The following PCDHGB3 variants were observed in gnomAD, a reference collection of about 807,000 sequenced individuals.
PCDHGB3 encodes protocadherin gamma subfamily B, 3, also known as protocadherin gamma-B3.
PCDHGB3 carries 40 observed loss-of-function variants against 59.2 expected under a neutral mutation model. That is an observed-to-expected ratio of 0.68 (90% CI 0.52 to 0.88). The LOEUF is 0.88. PCDHGB3 is among the 40% of genes least tolerant of loss of function. PCDHGB3 has a pLI of 0.00. For missense variants in PCDHGB3, 1,309 were observed against 1,187.9 expected, an observed-to-expected ratio of 1.10 and a Z score of -1.50; for synonymous variants, 581 against 503.6, an observed-to-expected ratio of 1.15 and a Z score of -2.06.
chr5:141,395,422 G>T, intron 1 of PCDHGB3: 1 of 728,826 alleles, frequency 1.4e-6, no homozygotes, highest in Non-Finnish European at 2.1e-6. Flanking sequence ...TGTTTCATTT[G>T]CTTTTAAACG....
intron 1 of PCDHGB3, 34 bp downstream of exon 1, chr5:141,372,843 T>C (rs1344316065): frequency 6.6e-7 from 1 of 1,510,382 alleles, no homozygotes; most frequent in East Asian, 2.3e-5. Flanking sequence ...TCCATAAATA[T>C]AATTGGGTTT....
At chr5:141,458,345 G>A (rs1161535708) in intron 1 of PCDHGB3, among the ~76,000 whole-genome samples, 2 of 152,112 alleles carry the variant, frequency 1.3e-5, no homozygotes, top group Non-Finnish European at 2.9e-5. Context: ...GGAGTGGAGA[G>A]TTTAATAAGC....
At chr5:141,394,100 ACCACCTCTGT>A in intron 1 of PCDHGB3, 1 of 1,613,942 alleles carries the variant, frequency 6.2e-7, no homozygotes, top group Admixed American at 1.7e-5. Context: ...ATCTAGGAAC[ACCACCTCTGT>A]CCACTGAAAC....
In PCDHGB3 at chr5:141,371,361, GAT is replaced by G; in HGVS notation, c.968_969del (p.Asp323GlyfsTer9). On this transcript the variant is annotated frameshift_variant, in exon 1 of 4. Transcript: ENST00000576222. LOFTEE classifies it high-confidence loss of function. Reference sequence around the variant, plus strand: ...CTACACAATTGGGGTGGAAGCAAAGGATGGTGGACATCACACTGCATATTGTA... The same window carrying G: ...CTACACAATTGGGGTGGAAGCAAAGGGGTGGACATCACACTGCATATTGTA... ...DSYTIGVEAKDGGHHTAYCKV... is the reference protein window; with the variant it reads ...DSYTIGVEAKXGGHHTAYCKV... The G allele has an allele frequency of 3.1e-6, 5 of 1,613,976 alleles. No individual in the cohort carries two copies. The highest frequency in any genetic ancestry group is 4.2e-6 in the Non-Finnish European group (5 of 1,179,888).
intron 1 of PCDHGB3, chr5:141,385,543 C>G (rs1284826303): frequency 7.6e-7 from 1 of 1,322,422 alleles, no homozygotes; most frequent in Non-Finnish European, 9.7e-7. Context: ...AATATGTGGA[C>G]TATCACATTT....
intron 2 of PCDHGB3, among the ~76,000 whole-genome samples, chr5:141,497,980 G>A (rs983045402): frequency 2.0e-5 from 3 of 152,168 alleles, no homozygotes; most frequent in African/African-American, 7.2e-5. Context: ...GATGTGGGAG[G>A]CCCCTGCCCT....
chr5:141,379,889 C>CTTTTGTTTTTTTTT (rs1775942254), intron 1 of PCDHGB3, among the ~76,000 whole-genome samples: 1 of 50,830 alleles, frequency 2.0e-5, no homozygotes, highest in African/African-American at 6.6e-5. Context: ...GTGAAAGCCT[C>CTTTTGTTTTTTTTT]TTTTTTTTTT....
intron 1 of PCDHGB3, chr5:141,389,142 G>C (rs72790030): frequency 2.5e-6 from 4 of 1,613,970 alleles, no homozygotes; most frequent in African/African-American, 2.7e-5. Flanking sequence ...CAATATAACC[G>C]TTACGGCAAC....
rs558074504 is a variant in PCDHGB3 at position 141,489,065 on chromosome 5, C to A, written c.2416-5742C>A. ...CCACTCAAATTCAGCTCCCCTCCCCCCTGCCCACCCCCGCCACTCGGTGAC... is the reference window on the plus strand; with the variant it reads ...CCACTCAAATTCAGCTCCCCTCCCCACTGCCCACCCCCGCCACTCGGTGAC... On this transcript the variant is annotated intron_variant, in intron 1 of 3. Transcript: ENST00000576222. The surrounding 1 kb of genome is among the most constrained non-coding windows in gnomAD (Gnocchi z 4.5). 1,377 of 389,040 alleles carry A rather than the reference C, an allele frequency of 3.5e-3. 31 individuals carry two copies. Among genetic ancestry groups the A allele is most frequent in the Admixed American group, 9.8e-3 (226 of 22,946 alleles). 24.1% of individuals were successfully genotyped at this position (389,040 alleles called of 1,614,324 possible).
intron 1 of PCDHGB3, among the ~76,000 whole-genome samples, chr5:141,467,047 A>G (rs1271306217): frequency 1.3e-5 from 2 of 149,986 alleles, no homozygotes; most frequent in East Asian, 3.9e-4. Context: ...GTAATGAATC[A>G]ATGTTTTCTT....
chr5:141,430,953 G>A (rs2097330054), intron 1 of PCDHGB3: 1 of 1,611,124 alleles, frequency 6.2e-7, no homozygotes, highest in African/African-American at 1.3e-5. Context: ...CGCGGAGTCC[G>A]CATCATCCCC....
At position 141,511,456 on chromosome 5, in the gene PCDHGB3, C is replaced by A. The variant is rs900802210; in HGVS notation, c.*283C>A. ...TACTGTAGACACCAAGAACCATTTG[C>A]CACACCCCGTTTAGTTACAGCTGAA... On this transcript the variant is annotated 3_prime_UTR_variant, in exon 4 of 4. Transcript: ENST00000576222. 3.4e-6 allele frequency: 2 copies of A among 585,210 alleles called. No homozygotes were observed. The highest frequency in any genetic ancestry group is 5.7e-6 in the Non-Finnish European group (2 of 351,786). 36.3% of individuals were successfully genotyped at this position (585,210 alleles called of 1,614,324 possible).
At chr5:141,498,588 A>G (rs1326073516) in intron 2 of PCDHGB3, among the ~76,000 whole-genome samples, 1 of 152,082 alleles carries the variant, frequency 6.6e-6, no homozygotes, top group Non-Finnish European at 1.5e-5. Context: ...GTTCTTCAGT[A>G]AACTTGGTTC....
chr5:141,489,254 C>T lies in PCDHGB3; in HGVS notation c.2416-5553C>T, dbSNP rs2099684538. 2 of 1,548,628 alleles carry T rather than the reference C, an allele frequency of 1.3e-6. No homozygotes were observed. Among genetic ancestry groups the T allele is most frequent in the African/African-American group, 1.4e-5 (1 of 73,008 alleles). ...GACTTCTGGGTCATGGGGCCCAAGA[C>T]ACTCCCACAGCTCGCTGGGAAATGG... is the stretch of plus-strand genomic sequence containing the variant. On this transcript the variant is annotated intron_variant, in intron 1 of 3. Transcript: ENST00000576222. This position sits in a 1 kb window ranked among gnomAD's most constrained non-coding sequence, Gnocchi z 4.5.
At chr5:141,373,660 C>G (rs1045727807) in intron 1 of PCDHGB3, among the ~76,000 whole-genome samples, 15 of 152,296 alleles carry the variant, frequency 9.8e-5, no homozygotes, top group Admixed American at 3.3e-4. Context: ...GAGATATTTT[C>G]ATAAAAATGA....
At chr5:141,377,095 T>G (rs887467044) in intron 1 of PCDHGB3, 5 of 152,298 alleles carry the variant, frequency 3.3e-5, no homozygotes, top group Non-Finnish European at 7.3e-5. Context: ...GTTTTTCTTT[T>G]ATATCAAAAG....
intron 1 of PCDHGB3, chr5:141,441,629 G>T: frequency 4.5e-6 from 1 of 224,156 alleles, no homozygotes; most frequent in Non-Finnish European, 9.0e-6. Flanking sequence ...GTGACCTGGA[G>T]CCACAGGCGC....
Position 141,477,749 on chromosome 5 carries a change from C to T in PCDHGB3, c.2416-17058C>T. The stretch of plus-strand genomic sequence containing the variant: ...AGCTCATATCAGCGATGGGGGCACC[C>T]CGGTCCTAGCCACCAACATCAGCGT... On this transcript the variant is annotated intron_variant, in intron 1 of 3. Transcript: ENST00000576222. The surrounding 1 kb of genome is among the most constrained non-coding windows in gnomAD (Gnocchi z 4.9). 1 of 1,613,904 alleles carries T rather than the reference C, an allele frequency of 6.2e-7. No homozygotes were observed. Among genetic ancestry groups the T allele is most frequent in the Non-Finnish European group, 8.5e-7 (1 of 1,180,030 alleles).
At chr5:141,394,251 G>A (rs1380359596) in intron 1 of PCDHGB3, 1 of 1,613,744 alleles carries the variant, frequency 6.2e-7, no homozygotes, top group Non-Finnish European at 8.5e-7. Flanking sequence ...ACACGACCCC[G>A]ACAGCCAGGA....
Sources: gnomAD v4.1 joint callset for allele counts (sites outside exome capture counted in the v4.1 genomes callset) on GRCh38, gnomAD v4.1.1 for gene constraint, Gnocchi (gnomAD v3.1) non-coding constraint, MANE v1.5 for transcripts, NCBI Gene and HGNC (gene_info 2026-07-23, HGNC 2026-07-21) for gene names.